Variants in PRKG1 observed in about 807,000 individuals in gnomAD.
PRKG1 encodes protein kinase cGMP-dependent 1, also known as cGMP-dependent protein kinase 1.
A neutral mutation model predicts 88.1 loss-of-function variants in PRKG1; 35 were observed. The observed-to-expected ratio is 0.40, with a 90% CI of 0.30 to 0.53. PRKG1 has a LOEUF of 0.53. Ranked by LOEUF, PRKG1 falls within the 20% of genes least tolerant of loss-of-function variation. PRKG1 has a pLI of 0.59. For missense variants in PRKG1, 540 were observed against 839.8 expected (o/e 0.64, Z 4.41); for synonymous variants, 303 against 292.5 (o/e 1.04, Z -0.37).
chr10:51,380,418 GA>G (rs1837052581), intron 2 of PRKG1, among the ~76,000 whole-genome samples: 1 of 152,174 alleles, frequency 6.6e-6, no homozygotes, highest in South Asian at 2.1e-4. Flanking sequence ...TGAAAAAAGA[GA>G]TTTTTTTGTT....
chr10:51,727,285 A>ATAT (rs147217250), intron 3 of PRKG1, among the ~76,000 whole-genome samples: 1 of 140,298 alleles, frequency 7.1e-6, no homozygotes, highest in Non-Finnish European at 1.5e-5. Flanking sequence ...AAAAAAAAAA[A>ATAT]ATATATATAT....
At chr10:51,049,100 C>T (rs1450555555) in intron 1 of PRKG1, among the ~76,000 whole-genome samples, 4 of 152,096 alleles carry the variant, frequency 2.6e-5, no homozygotes, top group African/African-American at 7.2e-5. Context: ...GAAGAGCTCC[C>T]GCGTCCCACA....
intron 2 of PRKG1, among the ~76,000 whole-genome samples, chr10:51,178,035 T>C (rs779618052): frequency 2.0e-5 from 3 of 152,166 alleles, no homozygotes; most frequent in Non-Finnish European, 4.4e-5. Flanking sequence ...CATTGAGATA[T>C]AGTATCATTT....
intron 5 of PRKG1, among the ~76,000 whole-genome samples, chr10:51,977,190 T>A (rs951229931): frequency 6.6e-6 from 1 of 151,910 alleles, no homozygotes; most frequent in Non-Finnish European, 1.5e-5. Context: ...TCATGTAGCT[T>A]TCATTTATAA....
chr10:51,947,488 C>G (rs183748442), intron 5 of PRKG1, among the ~76,000 whole-genome samples: 78 of 152,298 alleles, frequency 5.1e-4, no homozygotes, highest in African/African-American at 1.8e-3. Context: ...CGCCCACTGT[C>G]TGGCACTCCC....
intron 2 of PRKG1, among the ~76,000 whole-genome samples, chr10:51,198,235 A>G (rs982542516): frequency 6.6e-6 from 1 of 152,086 alleles, no homozygotes; most frequent in Non-Finnish European, 1.5e-5. Flanking sequence ...GGAGTTTGTC[A>G]TATCTTCTCC....
At chr10:51,452,016 A>G (rs760822288) in intron 2 of PRKG1, among the ~76,000 whole-genome samples, 2 of 151,892 alleles carry the variant, frequency 1.3e-5, no homozygotes, top group Non-Finnish European at 2.9e-5. Flanking sequence ...AACAATTACT[A>G]TGTACCTGTG....
At chr10:52,249,503 G>A (rs1841118023) in intron 9 of PRKG1, among the ~76,000 whole-genome samples, 3 of 152,138 alleles carry the variant, frequency 2.0e-5, no homozygotes, top group Admixed American at 2.0e-4. Context: ...TAGCTGTAAT[G>A]TGCAACAAAA....
At chr10:51,508,142 A>G (rs1310993928) in intron 3 of PRKG1, among the ~76,000 whole-genome samples, 1 of 152,154 alleles carries the variant, frequency 6.6e-6, no homozygotes, top group Non-Finnish European at 1.5e-5. Flanking sequence ...TAGAGCTAGA[A>G]CAAAGATTAA....
At chr10:51,739,326 T>C (rs7914289) in intron 3 of PRKG1, among the ~76,000 whole-genome samples, 92,267 of 152,008 alleles carry the variant, frequency 0.61, 29,069 homozygotes, top group African/African-American at 0.74. Context: ...TAGCTATATT[T>C]CCCTCCTAAT....
chr10:51,969,903 T>C (rs1722582036), intron 5 of PRKG1, among the ~76,000 whole-genome samples: 1 of 151,656 alleles, frequency 6.6e-6, no homozygotes, highest in South Asian at 2.1e-4. Context: ...GTTGAAAAAT[T>C]GAAAATAGTT....
intron 2 of PRKG1, among the ~76,000 whole-genome samples, chr10:51,401,412 A>T (rs1247216935): frequency 6.6e-6 from 1 of 152,134 alleles, no homozygotes. Context: ...TCACTGCATG[A>T]ATCCTTGTAA....
chr10:51,839,337 C>T (rs1048863877), intron 4 of PRKG1, among the ~76,000 whole-genome samples: 5 of 152,138 alleles, frequency 3.3e-5, no homozygotes, highest in Admixed American at 2.6e-4. Context: ...GAACATTTAG[C>T]GTAGAAGCCA....
intron 3 of PRKG1, among the ~76,000 whole-genome samples, chr10:51,635,827 T>A (rs759481873): frequency 1.3e-5 from 2 of 152,122 alleles, no homozygotes; most frequent in Non-Finnish European, 2.9e-5. Flanking sequence ...AGGGAAACAA[T>A]TTAGCTAAGC....
At chr10:51,576,954 A>G (rs1208190890) in intron 3 of PRKG1, among the ~76,000 whole-genome samples, 1 of 151,970 alleles carries the variant, frequency 6.6e-6, no homozygotes, top group Non-Finnish European at 1.5e-5. Context: ...AATGTACAAT[A>G]CTTTTCTGTT....
intron 3 of PRKG1, among the ~76,000 whole-genome samples, chr10:51,715,979 C>A (rs1475027253): frequency 6.6e-6 from 1 of 152,208 alleles, no homozygotes; most frequent in Non-Finnish European, 1.5e-5. Context: ...GTTCTATATT[C>A]TCCTCCCAAA....
At chr10:51,596,778 G>T (rs917724291) in intron 3 of PRKG1, among the ~76,000 whole-genome samples, 1 of 152,150 alleles carries the variant, frequency 6.6e-6, no homozygotes, top group Non-Finnish European at 1.5e-5. Context: ...TAAAATAAAA[G>T]TAAACACTAC....
At chr10:52,093,305 G>A (rs1847098977) in intron 7 of PRKG1, among the ~76,000 whole-genome samples, 1 of 151,978 alleles carries the variant, frequency 6.6e-6, no homozygotes, top group African/African-American at 2.4e-5. Flanking sequence ...AAAAAGAAGT[G>A]GTCAAATAAC....
intron 5 of PRKG1, among the ~76,000 whole-genome samples, chr10:51,924,595 A>G (rs2132987329): frequency 6.6e-6 from 1 of 152,160 alleles, no homozygotes; most frequent in East Asian, 1.9e-4. Context: ...AATTTTGGAA[A>G]ATCATCAGAC....
Sources: allele counts gnomAD v4.1 joint callset (sites outside exome capture counted in the v4.1 genomes callset), GRCh38; gene constraint gnomAD v4.1.1; transcripts MANE v1.5; gene names NCBI Gene and HGNC (gene_info 2026-07-23, HGNC 2026-07-21).